Variants in SLC8A1 observed in about 807,000 individuals in gnomAD.
SLC8A1 encodes the protein solute carrier family 8 member A1.
Under a neutral mutation model 68.3 loss-of-function variants are expected in SLC8A1, and 18 were observed. That is an observed-to-expected ratio of 0.26 (90% confidence interval 0.18 to 0.39). The LOEUF (loss-of-function observed/expected upper bound fraction) is 0.39, where lower values mean the gene tolerates loss of function less well. Among genes scored for constraint, SLC8A1 ranks in the 10% least tolerant of loss-of-function variants. The probability of loss-of-function intolerance (pLI) is 1.00; values close to 1 mark genes in which losing one functional copy is unlikely to be tolerated. For synonymous variants in SLC8A1, 475 were observed against 415.5 expected, an observed-to-expected ratio of 1.14 and a Z score of -1.74; for missense variants, 985 against 1,156.7, an observed-to-expected ratio of 0.85 and a Z score of 2.15.
At chr2:40,432,320 A>T (rs1698496199) in intron 1 of SLC8A1, among the ~76,000 whole-genome samples, 1 of 151,300 alleles carries the variant, frequency 6.6e-6, no homozygotes, top group South Asian at 2.1e-4. Flanking sequence ...GAAACAAACA[A>T]ATATAAATAT....
intron 2 of SLC8A1, among the ~76,000 whole-genome samples, chr2:40,230,623 T>C (rs777377182): frequency 6.6e-6 from 1 of 152,172 alleles, no homozygotes; most frequent in Non-Finnish European, 1.5e-5. Context: ...ATGTGATCAG[T>C]TTTTCTTTAA....
intron 1 of SLC8A1, among the ~76,000 whole-genome samples, chr2:40,499,977 T>G (rs1421360863): frequency 6.6e-6 from 1 of 152,082 alleles, no homozygotes; most frequent in African/African-American, 2.4e-5. Context: ...GGAAAAGGCT[T>G]CTTTCTATCT....
chr2:40,496,325 G>T (rs1002177657), intron 1 of SLC8A1, among the ~76,000 whole-genome samples: 1 of 152,076 alleles, frequency 6.6e-6, no homozygotes, highest in African/African-American at 2.4e-5. Flanking sequence ...GAGGTTATCT[G>T]ATTAAAATTC....
chr2:40,191,643 C>A (rs1401834213), intron 2 of SLC8A1, among the ~76,000 whole-genome samples: 2 of 152,176 alleles, frequency 1.3e-5, no homozygotes, highest in Non-Finnish European at 2.9e-5. Flanking sequence ...AATTGAACCA[C>A]TGGACCAAAC....
intron 2 of SLC8A1, among the ~76,000 whole-genome samples, chr2:40,342,666 G>T (rs1225171917): frequency 6.6e-6 from 1 of 152,096 alleles, no homozygotes; most frequent in East Asian, 1.9e-4. Context: ...TTAAAAAGTG[G>T]ATCCTTCTAA....
intron 2 of SLC8A1, among the ~76,000 whole-genome samples, chr2:40,252,946 T>TAC (rs2063083965): frequency 7.1e-6 from 1 of 141,700 alleles, no homozygotes; most frequent in Non-Finnish European, 1.5e-5. Context: ...TATGTACATA[T>TAC]ATACATATGT....
At chr2:40,452,294 C>T (rs1253995901), upstream of SLC8A1, among the ~76,000 whole-genome samples, 3 of 151,852 alleles carry the variant, frequency 2.0e-5, no homozygotes, top group South Asian at 4.1e-4. Flanking sequence ...TTGGGCTCCC[C>T]AGGCGATCGC....
rs375071541 is a variant in SLC8A1, at chr2:40,417,216, A to G, written c.1808+11257T>C. ...GGGTACATATGCAGGTTTGTTATAT[A>G]GGTAAACTGCATGTCATGGGGGTTT... On this transcript the variant is annotated intron_variant, in intron 2 of 7. Transcript: ENST00000406785. 2.6e-5 allele frequency among the ~76,000 whole-genome samples: 4 copies of G among 152,222 alleles called. No individual in the cohort carries two copies. In the South Asian group the frequency reaches 6.2e-4, roughly 24 times the overall value.
intron 2 of SLC8A1, among the ~76,000 whole-genome samples, chr2:40,409,821 T>C (rs1388488933): frequency 6.6e-6 from 1 of 152,198 alleles, no homozygotes. Flanking sequence ...CATTCATGTG[T>C]GGTCCCCTTG....
intron 1 of SLC8A1, among the ~76,000 whole-genome samples, chr2:40,459,369 T>C (rs1052514970): frequency 3.0e-5 from 1 of 32,950 alleles, no homozygotes; most frequent in African/African-American, 1.4e-4. Flanking sequence ...GGACAGTATA[T>C]TTTTTTTTGT....
At chr2:40,114,694 A>G (rs1016106657) in exon 8 of SLC8A1, 1 of 152,690 alleles carries the variant, frequency 6.5e-6, no homozygotes, top group Non-Finnish European at 1.5e-5. Context: ...GATAAGCATG[A>G]ACTTTGGTAA....
chr2:40,384,646 T>G (rs1033507945), intron 2 of SLC8A1, among the ~76,000 whole-genome samples: 1 of 152,170 alleles, frequency 6.6e-6, no homozygotes, highest in Non-Finnish European at 1.5e-5. Flanking sequence ...TGTCATGATC[T>G]TTGGTGGAAT....
chr2:40,333,877 T>C (rs1483160755), intron 2 of SLC8A1, among the ~76,000 whole-genome samples: 2 of 152,058 alleles, frequency 1.3e-5, no homozygotes, highest in Non-Finnish European at 2.9e-5. Context: ...GGTGAAACCC[T>C]GTTTGTACTA....
chr2:40,453,015 A>C (rs1425158948), upstream of SLC8A1: 1 of 152,140 alleles, frequency 6.6e-6, no homozygotes, highest in African/African-American at 2.4e-5. Flanking sequence ...CACTTTCCTC[A>C]TAATTAATAA....
intron 2 of SLC8A1, among the ~76,000 whole-genome samples, chr2:40,414,742 G>C (rs1385409240): frequency 6.6e-6 from 1 of 151,962 alleles, no homozygotes; most frequent in Admixed American, 6.6e-5. Flanking sequence ...ATACATTTAT[G>C]ATAGGTCAAT....
intron 2 of SLC8A1, among the ~76,000 whole-genome samples, chr2:40,346,047 T>TAAAAAAAAAAAAAAAAAAAAAAAAA (rs774555210): frequency 4.8e-5 from 2 of 41,696 alleles, no homozygotes; most frequent in Non-Finnish European, 8.9e-5. Context: ...ACATTAACAG[T>TAAAAAAAAAAAAAAAAAAAAAAAAA]AAAAAAAAAA....
In SLC8A1 at chr2:40,364,766, C is replaced by A. The variant is rs187041446; in HGVS notation, c.1808+63707G>T. Among the ~76,000 whole-genome samples the A allele has an allele frequency of 2.6e-5, 4 of 152,162 alleles. No homozygotes were observed. The East Asian group carries it at 7.7e-4, about 29-fold the overall frequency. On this transcript the variant is annotated intron_variant, in intron 2 of 7. Transcript: ENST00000406785. Reference sequence around the variant, plus strand: ...AGCCTGCCCTCCTGGAAAGCCCTTACTTGTCAGCCCAGTTCTTGAATTATT... The same window carrying A: ...AGCCTGCCCTCCTGGAAAGCCCTTAATTGTCAGCCCAGTTCTTGAATTATT...
chr2:40,244,154 A>G (rs1190630498), intron 2 of SLC8A1, among the ~76,000 whole-genome samples: 1 of 152,092 alleles, frequency 6.6e-6, no homozygotes, highest in Non-Finnish European at 1.5e-5. Context: ...TCCTATGTAG[A>G]AATTTTGAAG....
chr2:40,511,899 C>T (rs1706752062), intron 1 of SLC8A1, among the ~76,000 whole-genome samples: 1 of 152,112 alleles, frequency 6.6e-6, no homozygotes, highest in Non-Finnish European at 1.5e-5. Context: ...GCAGCTCTTC[C>T]TATGTCTAAG....
Sources: allele counts gnomAD v4.1 joint callset (sites outside exome capture counted in the v4.1 genomes callset), GRCh38; gene constraint gnomAD v4.1.1; transcripts MANE v1.5; gene names NCBI Gene and HGNC (gene_info 2026-07-23, HGNC 2026-07-21).